CCDC73: variants seen among roughly 807,000 people sequenced by gnomAD.
CCDC73 encodes the protein coiled-coil domain containing 73.
CCDC73 carries 95 observed loss-of-function variants against 116.5 expected under a neutral mutation model. The observed-to-expected ratio is 0.82, with a 90% CI of 0.69 to 0.97. The LOEUF (loss-of-function observed/expected upper bound fraction) is 0.97, where lower values mean the gene tolerates loss of function less well. CCDC73 is among the 50% of genes least tolerant of loss of function. The pLI is 0.00. For missense variants in CCDC73, 1,066 were observed against 1,206.8 expected, an observed-to-expected ratio of 0.88 and a Z score of 1.73; for synonymous variants, 398 against 401.3, an observed-to-expected ratio of 0.99 and a Z score of 0.10.
At chr11:32,729,667 T>C (rs1850058619) in intron 2 of CCDC73, among the ~76,000 whole-genome samples, 1 of 152,344 alleles carries the variant, frequency 6.6e-6, no homozygotes, top group South Asian at 2.1e-4. Flanking sequence ...TTCCTTTTTC[T>C]CTGCATCCTT....
At chr11:32,665,112 T>C (rs1420724116) in intron 9 of CCDC73, among the ~76,000 whole-genome samples, 1 of 152,204 alleles carries the variant, frequency 6.6e-6, no homozygotes, top group Admixed American at 6.5e-5. Context: ...TGTGATGTGG[T>C]GCTGAGAAAA....
chr11:32,648,332 T>C (rs1855796511), intron 12 of CCDC73, among the ~76,000 whole-genome samples: 1 of 152,326 alleles, frequency 6.6e-6, no homozygotes, highest in Admixed American at 6.5e-5. Flanking sequence ...GATATATTAG[T>C]GTCATTTTAT....
At chr11:32,675,203 G>A (rs773174284) in intron 9 of CCDC73, among the ~76,000 whole-genome samples, 24 of 152,118 alleles carry the variant, frequency 1.6e-4, no homozygotes, top group South Asian at 4.1e-4. Flanking sequence ...GTAGAAACAT[G>A]TTTTATTTTC....
chr11:32,746,527 A>G (rs1295051592), intron 2 of CCDC73, among the ~76,000 whole-genome samples: 1 of 152,114 alleles, frequency 6.6e-6, no homozygotes, highest in African/African-American at 2.4e-5. Context: ...GTGTTTTCTA[A>G]CTTGTTTCCA....
chr11:32,768,221 G>A (rs984012597), intron 1 of CCDC73, among the ~76,000 whole-genome samples: 16 of 152,200 alleles, frequency 1.1e-4, no homozygotes, highest in African/African-American at 3.4e-4. Flanking sequence ...CTATCACAAG[G>A]ACAGAAAACC....
intron 6 of CCDC73, among the ~76,000 whole-genome samples, chr11:32,685,309 G>A (rs887844570): frequency 8.1e-5 from 12 of 148,546 alleles, no homozygotes; most frequent in African/African-American, 2.7e-4. Flanking sequence ...CTTAAATTCT[G>A]GGCAAGAAAA....
chr11:32,778,628 A>G (rs1280347722), intron 1 of CCDC73, among the ~76,000 whole-genome samples: 1 of 152,092 alleles, frequency 6.6e-6, no homozygotes, highest in African/African-American at 2.4e-5. Context: ...CCTGGCCAAC[A>G]TGGTGAAACC....
intron 7 of CCDC73, among the ~76,000 whole-genome samples, chr11:32,677,955 C>CAAAAAAAAAAAAAAA (rs34907847): frequency 1.6e-5 from 1 of 64,282 alleles, no homozygotes; most frequent in African/African-American, 6.7e-5. Context: ...GATTCCATCT[C>CAAAAAAAAAAAAAAA]AAAAAAAAAA....
chr11:32,748,289 G>A (rs1193404026), intron 2 of CCDC73, among the ~76,000 whole-genome samples: 1 of 150,270 alleles, frequency 6.7e-6, no homozygotes, highest in Admixed American at 6.6e-5. Context: ...TTATTTTTGT[G>A]CATCTCTTGT....
chr11:32,626,135 C>T (rs1201779581), intron 14 of CCDC73, among the ~76,000 whole-genome samples: 5 of 151,970 alleles, frequency 3.3e-5, no homozygotes, highest in Non-Finnish European at 5.9e-5. Flanking sequence ...AGCAAAGTCT[C>T]AGGATACAAA....
the CCDC73 span, among the ~76,000 whole-genome samples, chr11:32,808,404 C>T: frequency 3.9e-5 from 6 of 152,218 alleles, no homozygotes; most frequent in East Asian, 7.7e-4. Context: ...TTTGGGAGGC[C>T]GAGGTGGGCA....
chr11:32,631,497 A>G (rs1406450511), intron 14 of CCDC73, among the ~76,000 whole-genome samples: 1 of 152,110 alleles, frequency 6.6e-6, no homozygotes, highest in Non-Finnish European at 1.5e-5. Flanking sequence ...GATACTCAAT[A>G]CCCATGGGTC....
chr11:32,816,139 G>A, the CCDC73 span, among the ~76,000 whole-genome samples: 3 of 152,180 alleles, frequency 2.0e-5, no homozygotes, highest in South Asian at 2.1e-4. Flanking sequence ...GTTTAATGCG[G>A]TAAGTTCCAG....
At chr11:32,769,891 C>T (rs1204123495) in intron 1 of CCDC73, among the ~76,000 whole-genome samples, 1 of 152,268 alleles carries the variant, frequency 6.6e-6, no homozygotes, top group Non-Finnish European at 1.5e-5. Flanking sequence ...TTACACAACA[C>T]ATTTTATATC....
intron 2 of CCDC73, among the ~76,000 whole-genome samples, chr11:32,740,444 T>C (rs974955818): frequency 2.0e-5 from 3 of 152,036 alleles, no homozygotes; most frequent in Admixed American, 6.6e-5. Context: ...GTCTAGAAAT[T>C]TATCCATTTC....
At chr11:32,768,753 A>T (rs928950740) in intron 1 of CCDC73, among the ~76,000 whole-genome samples, 2 of 152,150 alleles carry the variant, frequency 1.3e-5, no homozygotes, top group African/African-American at 2.4e-5. Context: ...TCTGAGGTGG[A>T]AGGGTCACTT....
intron 6 of CCDC73, among the ~76,000 whole-genome samples, chr11:32,697,471 T>C (rs1465464603): frequency 6.8e-6 from 1 of 147,756 alleles, no homozygotes; most frequent in South Asian, 2.1e-4. Context: ...GGTTGTTATA[T>C]CTCTTTATTC....
intron 9 of CCDC73, among the ~76,000 whole-genome samples, chr11:32,663,287 C>A (rs1402071328): frequency 6.6e-6 from 1 of 152,294 alleles, no homozygotes; most frequent in African/African-American, 2.4e-5. Flanking sequence ...TGGCCATTTT[C>A]ACGATATTGA....
intron 2 of CCDC73, among the ~76,000 whole-genome samples, chr11:32,745,871 C>T (rs1373262300): frequency 2.0e-5 from 3 of 151,458 alleles, no homozygotes; most frequent in Non-Finnish European, 2.9e-5. Flanking sequence ...GGTCTTGACT[C>T]TTTATCCAGT....
Sources: gnomAD v4.1 joint callset for allele counts (sites outside exome capture counted in the v4.1 genomes callset) on GRCh38, gnomAD v4.1.1 for gene constraint, MANE v1.5 for transcripts, NCBI Gene and HGNC (gene_info 2026-07-23, HGNC 2026-07-21) for gene names.